The following GAB1 variants were observed in gnomAD, a reference collection of about 807,000 sequenced individuals.
GAB1 encodes the protein GRB2-associated-binding protein 1.
Under a neutral mutation model 66.5 loss-of-function variants are expected in GAB1, and 19 were observed. That is an observed-to-expected ratio of 0.29 (90% CI 0.20 to 0.42). The LOEUF is 0.42. Ranked by LOEUF, GAB1 falls within the 10% of genes least tolerant of loss-of-function variation. The pLI is 1.00. For missense variants in GAB1, 732 were observed against 858.5 expected (o/e 0.85, Z 1.84); for synonymous variants, 294 against 301.4 (o/e 0.98, Z 0.25).
At chr4:143,391,452 C>T (rs1449816823) in intron 1 of GAB1, 2 of 152,184 alleles carry the variant, frequency 1.3e-5, no homozygotes, top group Admixed American at 6.5e-5. Flanking sequence ...AGCCAGCCAT[C>T]TGGGCAACAA....
intron 2 of GAB1, among the ~76,000 whole-genome samples, chr4:143,416,854 C>G (rs1285140825): frequency 6.6e-6 from 1 of 152,158 alleles, no homozygotes; most frequent in Non-Finnish European, 1.5e-5. Context: ...ATTTATATCC[C>G]ACTGCTCAAG....
At chr4:143,410,946 A>G (rs1023623244) in intron 1 of GAB1, among the ~76,000 whole-genome samples, 2 of 152,186 alleles carry the variant, frequency 1.3e-5, no homozygotes, top group African/African-American at 4.8e-5. Flanking sequence ...ATGTCAAATG[A>G]TTTAGGAAAA....
At chr4:143,451,491 T>A (rs1371469649) in intron 6 of GAB1, among the ~76,000 whole-genome samples, 1 of 152,176 alleles carries the variant, frequency 6.6e-6, no homozygotes, top group Non-Finnish European at 1.5e-5. Context: ...CTTTAAGATT[T>A]ATATATTTAA....
At chr4:143,349,701 A>G in intron 1 of GAB1, 2 of 1,558,494 alleles carry the variant, frequency 1.3e-6, no homozygotes, top group East Asian at 4.5e-5. Flanking sequence ...TGATGGCCCC[A>G]CAGATGGCGG....
intron 1 of GAB1, among the ~76,000 whole-genome samples, chr4:143,361,880 A>T (rs1371808938): frequency 2.0e-5 from 3 of 151,698 alleles, no homozygotes; most frequent in African/African-American, 4.8e-5. Flanking sequence ...AAAAGCAGTT[A>T]CTTGGAGTTT....
intron 6 of GAB1, among the ~76,000 whole-genome samples, chr4:143,457,046 G>A (rs976216472): frequency 6.6e-6 from 1 of 152,212 alleles, no homozygotes; most frequent in East Asian, 1.9e-4. Context: ...GCAAGATGAA[G>A]CCATTGGGCA....
chr4:143,463,700 C>T (rs935128913), intron 8 of GAB1, among the ~76,000 whole-genome samples: 21 of 151,426 alleles, frequency 1.4e-4, no homozygotes, highest in Middle Eastern at 3.5e-3. Context: ...CTTATAGAAT[C>T]TTAGAGTTTC....
chr4:143,409,883 T>G (rs972283326), intron 1 of GAB1, among the ~76,000 whole-genome samples: 4 of 152,154 alleles, frequency 2.6e-5, no homozygotes, highest in Admixed American at 2.6e-4. Flanking sequence ...TTGTTTTGTT[T>G]TTGAAATTTT....
rs1736062150 is a variant in GAB1 at position 143,471,132 on chromosome 4, T to C, written c.*1943T>C. The C allele has an allele frequency of 6.6e-6, 1 of 152,156 alleles. No homozygotes were observed. Among genetic ancestry groups the C allele is most frequent in the African/African-American group, 2.4e-5 (1 of 41,462 alleles). The allele number at this position is 152,156 out of a possible 1,614,324, so 9.4% of individuals were successfully genotyped here. ...AATATATTTAAGATTTAAAACACAA[T>C]AATAAATACATGATTAATTCAAAAA... On this transcript the variant is annotated 3_prime_UTR_variant, in exon 10 of 10. Transcript: ENST00000262994.
intron 6 of GAB1, among the ~76,000 whole-genome samples, chr4:143,451,607 A>G (rs535847134): frequency 1.3e-5 from 2 of 152,282 alleles, no homozygotes; most frequent in African/African-American, 4.8e-5. Context: ...TAAGAATACA[A>G]TAGAGAAAAT....
At chr4:143,385,964 A>T (rs181906221) in intron 1 of GAB1, among the ~76,000 whole-genome samples, 1 of 151,840 alleles carries the variant, frequency 6.6e-6, no homozygotes, top group East Asian at 1.9e-4. Flanking sequence ...ACATGGTGAA[A>T]CCCTGTTTAT....
chr4:143,444,272 T>A (rs1425393077), intron 6 of GAB1, among the ~76,000 whole-genome samples: 2 of 152,200 alleles, frequency 1.3e-5, no homozygotes, highest in African/African-American at 2.4e-5. Flanking sequence ...GCAGCAGCTG[T>A]GTGAGCCCCA....
chr4:143,360,556 A>G (rs1426376656), intron 1 of GAB1, among the ~76,000 whole-genome samples: 2 of 152,212 alleles, frequency 1.3e-5, no homozygotes, highest in African/African-American at 4.8e-5. Context: ...AAGGAAAAAA[A>G]GGTGAATGAA....
chr4:143,417,504 T>A (rs955922370), intron 2 of GAB1: 15 of 345,360 alleles, frequency 4.3e-5, no homozygotes, highest in African/African-American at 2.6e-4. Flanking sequence ...GCCTCCCAGG[T>A]TCAAGCGATT....
chr4:143,338,345 G>A (rs1360400584), intron 1 of GAB1, among the ~76,000 whole-genome samples: 1 of 152,192 alleles, frequency 6.6e-6, no homozygotes, highest in Non-Finnish European at 1.5e-5. Context: ...TTTAATGCCT[G>A]TACGAAGGGA....
At chr4:143,371,075 G>T (rs1581237038) in intron 1 of GAB1, among the ~76,000 whole-genome samples, 1 of 152,106 alleles carries the variant, frequency 6.6e-6, no homozygotes, top group East Asian at 1.9e-4. Flanking sequence ...GTAATGGGAT[G>T]GCTGGGTCAA....
At chr4:143,361,732 C>A (rs1729669007) in intron 1 of GAB1, among the ~76,000 whole-genome samples, 1 of 152,152 alleles carries the variant, frequency 6.6e-6, no homozygotes, top group Non-Finnish European at 1.5e-5. Context: ...AACTGCATCA[C>A]TGCCCCTACC....
chr4:143,457,710 C>T (rs756287812), intron 6 of GAB1: 7 of 1,567,374 alleles, frequency 4.5e-6, no homozygotes, highest in African/African-American at 2.8e-5. Context: ...AGACTCAAAC[C>T]CCATGGTTTA....
At chr4:143,352,274 C>T (rs1004370492) in intron 1 of GAB1, among the ~76,000 whole-genome samples, 2 of 152,178 alleles carry the variant, frequency 1.3e-5, no homozygotes, top group Admixed American at 1.3e-4. Context: ...GTAATCAAGT[C>T]CTCTTGCAGG....
Sources: gnomAD v4.1 joint callset for allele counts (sites outside exome capture counted in the v4.1 genomes callset) on GRCh38, gnomAD v4.1.1 for gene constraint, MANE v1.5 for transcripts, NCBI Gene and HGNC (gene_info 2026-07-23, HGNC 2026-07-21) for gene names.